The following LRRC3B variants were observed in gnomAD, a reference collection of about 807,000 sequenced individuals.
LRRC3B encodes leucine rich repeat containing 3B.
A neutral mutation model predicts 12.8 loss-of-function variants in LRRC3B; 2 were observed. That is an observed-to-expected ratio of 0.16 (90% CI 0.06 to 0.49). The LOEUF is 0.49. Among genes scored for constraint, LRRC3B ranks in the 20% least tolerant of loss-of-function variants. The pLI, the probability that LRRC3B is intolerant of heterozygous loss-of-function variation, is 0.96. For synonymous variants in LRRC3B, 132 were observed against 122.0 expected, an observed-to-expected ratio of 1.08 and a Z score of -0.54; for missense variants, 189 against 319.4, an observed-to-expected ratio of 0.59 and a Z score of 3.11.
intron 1 of LRRC3B, among the ~76,000 whole-genome samples, chr3:26,662,693 G>C (rs1288452052): frequency 1.3e-5 from 2 of 152,054 alleles, no homozygotes; most frequent in Non-Finnish European, 2.9e-5. Context: ...AAGAGAGTGT[G>C]GCTACTTTGG....
chr3:26,646,247 T>C (rs895500859), intron 1 of LRRC3B, among the ~76,000 whole-genome samples: 1 of 152,216 alleles, frequency 6.6e-6, no homozygotes, highest in Non-Finnish European at 1.5e-5. Flanking sequence ...CCAGCGATTT[T>C]CAATAATGCC....
At chr3:26,627,675 A>G (rs1435144173) in intron 1 of LRRC3B, among the ~76,000 whole-genome samples, 1 of 151,886 alleles carries the variant, frequency 6.6e-6, no homozygotes, top group African/African-American at 2.4e-5. Flanking sequence ...TGTCAGGTTG[A>G]CTGTTCTGAA....
chr3:26,676,251 AG>A (rs1255508041), intron 1 of LRRC3B, among the ~76,000 whole-genome samples: 1 of 103,294 alleles, frequency 9.7e-6, no homozygotes, highest in Non-Finnish European at 1.8e-5. Flanking sequence ...ACCCCACAAC[AG>A]GCCCTGGTGT....
At chr3:26,641,551 A>C (rs570224224) in intron 1 of LRRC3B, among the ~76,000 whole-genome samples, 2 of 152,174 alleles carry the variant, frequency 1.3e-5, no homozygotes, top group Non-Finnish European at 2.9e-5. Context: ...TCAACACAAT[A>C]GAAAACCACT....
chr3:26,686,276 T>TA (rs1374677458), intron 1 of LRRC3B, among the ~76,000 whole-genome samples: 2 of 152,120 alleles, frequency 1.3e-5, no homozygotes, highest in African/African-American at 2.4e-5. Flanking sequence ...AGATGGGGTT[T>TA]CTCCATGTTA....
At chr3:26,624,244 T>C (rs1698571159) in intron 1 of LRRC3B, 1 of 152,308 alleles carries the variant, frequency 6.6e-6, no homozygotes, top group Non-Finnish European at 1.5e-5. Context: ...TCTTGGGTGG[T>C]GACTGAATGG....
At position 26,710,134 on chromosome 3, in the gene LRRC3B, G is replaced by A. The variant is rs756380289; in HGVS notation, c.462G>A (p.Gln154=). Reference sequence around the variant, plus strand: ...CCTGGCACTGCGACTGTACTCTACAGCAAGTTCTGAGGAGCATGGCGTCCA... The same window carrying A: ...CCTGGCACTGCGACTGTACTCTACAACAAGTTCTGAGGAGCATGGCGTCCA... The change falls in exon 2 of 2, where the codon CAG becomes CAA. Residue 154 remains glutamine (Q), a synonymous_variant. Transcript: ENST00000396641. 8.1e-6 allele frequency: 13 copies of A among 1,614,058 alleles called. No homozygotes were observed. The Admixed American group carries it at 1.7e-4, about 21-fold the overall frequency.
At chr3:26,706,184 A>T (rs1037245212) in intron 1 of LRRC3B, among the ~76,000 whole-genome samples, 2 of 152,138 alleles carry the variant, frequency 1.3e-5, no homozygotes, top group Non-Finnish European at 2.9e-5. Flanking sequence ...TAAGGGCACG[A>T]ACTCCATTCA....
At chr3:26,670,162 G>C (rs1427570779) in intron 1 of LRRC3B, among the ~76,000 whole-genome samples, 2 of 152,104 alleles carry the variant, frequency 1.3e-5, no homozygotes, top group African/African-American at 2.4e-5. Context: ...CATCACAGAA[G>C]AAATGAGGGT....
intron 1 of LRRC3B, among the ~76,000 whole-genome samples, chr3:26,680,400 TAAAGTA>T (rs1275657788): frequency 6.6e-6 from 1 of 152,224 alleles, no homozygotes; most frequent in Non-Finnish European, 1.5e-5. Context: ...GTTTTAGAAA[TAAAGTA>T]AAAGAACGTT....
At chr3:26,673,669 T>C (rs893385557) in intron 1 of LRRC3B, among the ~76,000 whole-genome samples, 18 of 152,224 alleles carry the variant, frequency 1.2e-4, no homozygotes, top group African/African-American at 4.1e-4. Flanking sequence ...GGCTTAGGTC[T>C]CTAAGCTGCT....
At chr3:26,655,118 G>T (rs139926584) in intron 1 of LRRC3B, among the ~76,000 whole-genome samples, 2 of 152,100 alleles carry the variant, frequency 1.3e-5, no homozygotes, top group East Asian at 3.9e-4. Context: ...TGGAAAACTA[G>T]TGCCACTTTT....
chr3:26,688,488 C>T lies in LRRC3B; in HGVS notation c.-160-21025C>T, dbSNP rs372349514. On this transcript the variant is annotated intron_variant, in intron 1 of 1. Transcript: ENST00000396641. Reference sequence around the variant, plus strand: ...TTTAATTTGCTCATGGTTCTTTAGGCTGTACAGGAAGCATGATGCTGGCAT... The same window carrying T: ...TTTAATTTGCTCATGGTTCTTTAGGTTGTACAGGAAGCATGATGCTGGCAT... Among the ~76,000 whole-genome samples, 4 of 152,250 alleles carry T rather than the reference C, an allele frequency of 2.6e-5. No homozygotes were observed. In the East Asian group the frequency reaches 5.8e-4, roughly 22 times the overall value.
chr3:26,656,221 G>T (rs1204679201), intron 1 of LRRC3B, among the ~76,000 whole-genome samples: 1 of 152,174 alleles, frequency 6.6e-6, no homozygotes, highest in Non-Finnish European at 1.5e-5. Context: ...GAGCTGACAC[G>T]CAGGATGGTT....
intron 1 of LRRC3B, among the ~76,000 whole-genome samples, chr3:26,701,689 T>C (rs1189423425): frequency 2.0e-5 from 3 of 152,018 alleles, no homozygotes; most frequent in African/African-American, 7.2e-5. Context: ...TTAACCCGGT[T>C]CTCTTTCCAA....
At chr3:26,690,570 G>A (rs547680773) in intron 1 of LRRC3B, among the ~76,000 whole-genome samples, 1 of 152,060 alleles carries the variant, frequency 6.6e-6, no homozygotes, top group African/African-American at 2.4e-5. Context: ...ATTTTTCCGG[G>A]TGCTTCCCAG....
chr3:26,672,801 A>C (rs1228940692), intron 1 of LRRC3B, among the ~76,000 whole-genome samples: 1 of 152,182 alleles, frequency 6.6e-6, no homozygotes, highest in African/African-American at 2.4e-5. Context: ...AATAGAGTAT[A>C]TCCAAGTCTT....
intron 1 of LRRC3B, among the ~76,000 whole-genome samples, chr3:26,684,140 T>G (rs1033008690): frequency 1.3e-5 from 2 of 152,158 alleles, no homozygotes; most frequent in Non-Finnish European, 2.9e-5. Flanking sequence ...ATTCTCCACG[T>G]TTTTTAAAAA....
At chr3:26,674,771 C>G (rs1217971907) in intron 1 of LRRC3B, among the ~76,000 whole-genome samples, 1 of 152,150 alleles carries the variant, frequency 6.6e-6, no homozygotes, top group Non-Finnish European at 1.5e-5. Context: ...CATCCTTGCT[C>G]TCTCCTAATT....
Sources: gnomAD v4.1 joint callset for allele counts (sites outside exome capture counted in the v4.1 genomes callset) on GRCh38, gnomAD v4.1.1 for gene constraint, MANE v1.5 for transcripts, NCBI Gene and HGNC (gene_info 2026-07-23, HGNC 2026-07-21) for gene names.